Variants in TAFA1 observed in about 807,000 individuals in gnomAD.
TAFA1 encodes the protein chemokine-like protein TAFA-1.
TAFA1 carries 4 observed loss-of-function variants against 18.5 expected under a neutral mutation model. The observed-to-expected ratio is 0.22, with a 90% CI of 0.11 to 0.49. TAFA1 has a LOEUF of 0.49. Ranked by LOEUF, TAFA1 falls within the 20% of genes least tolerant of loss-of-function variation. The pLI, the probability that TAFA1 is intolerant of heterozygous loss-of-function variation, is 0.98. For synonymous variants in TAFA1, 56 were observed against 55.2 expected (o/e 1.01, Z -0.06); for missense variants, 147 against 169.0 (o/e 0.87, Z 0.72).
chr3:68,038,474 G>A (rs1194069705), intron 2 of TAFA1, among the ~76,000 whole-genome samples: 1 of 152,126 alleles, frequency 6.6e-6, no homozygotes, highest in Non-Finnish European at 1.5e-5. Context: ...TCTGAGGCTA[G>A]AAGCCACGTT....
At chr3:68,002,525 C>T (rs1468509049), upstream of TAFA1, among the ~76,000 whole-genome samples, 1 of 152,174 alleles carries the variant, frequency 6.6e-6, no homozygotes, top group Non-Finnish European at 1.5e-5. Context: ...AGCAAAACCA[C>T]AACCAACAAC....
intron 2 of TAFA1, among the ~76,000 whole-genome samples, chr3:68,065,055 G>C (rs1007669176): frequency 6.6e-6 from 1 of 152,028 alleles, no homozygotes; most frequent in African/African-American, 2.4e-5. Flanking sequence ...TTTAAGCTTT[G>C]TAAGTGGTTT....
intron 3 of TAFA1, among the ~76,000 whole-genome samples, chr3:68,465,662 C>T (rs1430383382): frequency 1.3e-5 from 2 of 152,152 alleles, no homozygotes; most frequent in African/African-American, 4.8e-5. Context: ...AAAGTTAACT[C>T]ACTGGACAAG....
chr3:68,138,493 G>A (rs1306206031), intron 2 of TAFA1, among the ~76,000 whole-genome samples: 2 of 152,304 alleles, frequency 1.3e-5, no homozygotes, highest in Middle Eastern at 3.4e-3. Context: ...TAATAAACAC[G>A]AAATGTTTGT....
At position 68,357,968 on chromosome 3, in the gene TAFA1, T is replaced by A. The variant is rs2106787700; in HGVS notation, c.119-59312T>A. Among the ~76,000 whole-genome samples, 3 of 152,130 alleles carry A rather than the reference T, an allele frequency of 2.0e-5. No individual in the cohort carries two copies. The Middle Eastern group carries it at 0.01, about 517-fold the overall frequency. ...TGTTACACAAAATGTTTAAATGTACTTTACATGTTGCTTCATGTGCCTTCT... is the reference window on the plus strand; with the variant it reads ...TGTTACACAAAATGTTTAAATGTACATTACATGTTGCTTCATGTGCCTTCT... On this transcript the variant is annotated intron_variant, in intron 2 of 4. Coordinates refer to ENST00000478136, the MANE Select transcript of TAFA1 (RefSeq NM_213609.4).
At chr3:68,056,878 C>T (rs2064543336) in intron 2 of TAFA1, among the ~76,000 whole-genome samples, 1 of 152,158 alleles carries the variant, frequency 6.6e-6, no homozygotes, top group African/African-American at 2.4e-5. Flanking sequence ...TCTGAGGGGT[C>T]TGGATGAGAC....
intron 2 of TAFA1, among the ~76,000 whole-genome samples, chr3:68,210,009 C>A (rs2066576192): frequency 6.6e-6 from 1 of 151,976 alleles, no homozygotes; most frequent in African/African-American, 2.4e-5. Flanking sequence ...AACTCCATCA[C>A]AATTTTTTTC....
intron 2 of TAFA1, among the ~76,000 whole-genome samples, chr3:68,131,024 C>T (rs2065529892): frequency 6.6e-6 from 1 of 152,160 alleles, no homozygotes; most frequent in African/African-American, 2.4e-5. Flanking sequence ...TCGACTTCAC[C>T]ATTTCATCCT....
chr3:68,145,285 C>T (rs60993082), intron 2 of TAFA1: 54,119 of 788,584 alleles, frequency 0.069, 2,907 homozygotes, highest in African/African-American at 0.23. Flanking sequence ...CAACCATCAA[C>T]GCTCATCAGT....
chr3:68,282,353 G>T (rs1231922471), intron 2 of TAFA1, among the ~76,000 whole-genome samples: 1 of 152,120 alleles, frequency 6.6e-6, no homozygotes, highest in Non-Finnish European at 1.5e-5. Flanking sequence ...ACTGTTCTGA[G>T]TACCTTGTGC....
At chr3:68,464,294 C>T (rs1042166309) in intron 3 of TAFA1, among the ~76,000 whole-genome samples, 2 of 152,186 alleles carry the variant, frequency 1.3e-5, no homozygotes, top group South Asian at 2.1e-4. Context: ...AATATAAATG[C>T]ATTCCTAAGA....
intron 3 of TAFA1, among the ~76,000 whole-genome samples, chr3:68,481,813 G>T (rs941367867): frequency 6.6e-6 from 1 of 151,892 alleles, no homozygotes; most frequent in East Asian, 1.9e-4. Flanking sequence ...TTCTTAATAC[G>T]AATTCCTTCA....
At chr3:68,289,428 A>G (rs2068071871) in intron 2 of TAFA1, among the ~76,000 whole-genome samples, 3 of 152,198 alleles carry the variant, frequency 2.0e-5, no homozygotes, top group Non-Finnish European at 4.4e-5. Context: ...TTGTAGAAGC[A>G]TTACTACATT....
At chr3:68,192,266 C>G (rs187627489) in intron 2 of TAFA1, 4 of 151,878 alleles carry the variant, frequency 2.6e-5, no homozygotes, top group Non-Finnish European at 5.9e-5. Flanking sequence ...AGGTCTTTTC[C>G]CCTCTCTTGC....
At chr3:68,254,445 T>C (rs1482947665) in intron 2 of TAFA1, among the ~76,000 whole-genome samples, 1 of 152,084 alleles carries the variant, frequency 6.6e-6, no homozygotes. Flanking sequence ...TTCAGAAGAC[T>C]TTTTTAAACC....
intron 2 of TAFA1, among the ~76,000 whole-genome samples, chr3:68,080,585 C>G (rs902957035): frequency 6.6e-6 from 1 of 152,042 alleles, no homozygotes; most frequent in African/African-American, 2.4e-5. Context: ...CATAGTTTGG[C>G]TGGATATGAA....
intron 2 of TAFA1, among the ~76,000 whole-genome samples, chr3:68,183,880 A>G (rs1455366007): frequency 1.3e-5 from 2 of 152,174 alleles, no homozygotes; most frequent in Non-Finnish European, 2.9e-5. Flanking sequence ...GAATGCACAG[A>G]TGTGTACTAT....
intron 2 of TAFA1, among the ~76,000 whole-genome samples, chr3:68,155,110 A>G (rs1285012287): frequency 6.6e-6 from 1 of 152,096 alleles, no homozygotes; most frequent in Non-Finnish European, 1.5e-5. Flanking sequence ...CCATTTTAAG[A>G]TGTGGAAACT....
At chr3:68,236,087 A>G (rs936328018) in intron 2 of TAFA1, among the ~76,000 whole-genome samples, 2 of 152,150 alleles carry the variant, frequency 1.3e-5, no homozygotes, top group African/African-American at 4.8e-5. Context: ...AAACTACCAC[A>G]ACACTACCCA....
Sources: allele counts gnomAD v4.1 joint callset (sites outside exome capture counted in the v4.1 genomes callset), GRCh38; gene constraint gnomAD v4.1.1; transcripts MANE v1.5; gene names NCBI Gene and HGNC (gene_info 2026-07-23, HGNC 2026-07-21).